SLC44A2: variants seen among roughly 807,000 people sequenced by gnomAD.
SLC44A2 encodes the protein solute carrier family 44 member 2 (CTL2 blood group), also known as choline transporter-like protein 2.
A neutral mutation model predicts 90.8 loss-of-function variants in SLC44A2; 57 were observed. The ratio of observed to expected loss-of-function variants is 0.63; its 90% confidence interval spans 0.51 to 0.78. The LOEUF (loss-of-function observed/expected upper bound fraction) is 0.78, where lower values mean the gene tolerates loss of function less well. SLC44A2 is among the 30% of genes least tolerant of loss of function. The pLI, the probability that SLC44A2 is intolerant of heterozygous loss-of-function variation, is 0.00. For missense variants in SLC44A2, 794 were observed against 919.7 expected (o/e 0.86, Z 1.77); for synonymous variants, 355 against 360.7 (o/e 0.98, Z 0.18).
At position 10,643,442 on chromosome 19, in the gene SLC44A2, G is replaced by T; in HGVS notation, c.*57G>T. ...TCATGCCGCAGGGTGCTCAGTAGCTGGGTCTGTTCCCCCAGCCCCTTGGGC... is the reference window on the plus strand; with the variant it reads ...TCATGCCGCAGGGTGCTCAGTAGCTTGGTCTGTTCCCCCAGCCCCTTGGGC... On this transcript the variant is annotated 3_prime_UTR_variant, in exon 22 of 22. Transcript: ENST00000335757. The T allele has an allele frequency of 6.4e-7, 1 of 1,559,496 alleles. No homozygotes were observed.
chr19:10,618,167 G>A (rs905818399), intron 1 of SLC44A2, among the ~76,000 whole-genome samples: 1 of 119,724 alleles, frequency 8.4e-6, no homozygotes, highest in East Asian at 2.3e-4. Flanking sequence ...ACCATGCCTG[G>A]CTAATTTTTT....
Position 10,642,852 on chromosome 19 carries a change from C to A in SLC44A2, c.2014+401C>A, listed in dbSNP as rs769006094. 5 of 1,534,838 alleles carry A rather than the reference C, an allele frequency of 3.3e-6. No homozygotes were observed. The South Asian group carries it at 6.0e-5, about 18-fold the overall frequency. On this transcript the variant is annotated intron_variant, in intron 21 of 21. Transcript: ENST00000335757. ...CCTGCCTCCCTCTTTCCCTCCCTTC[C>A]CGACCACCCCATTTTCCCCCTGCCG...
At chr19:10,624,229 C>T (rs112731091), upstream of SLC44A2, among the ~76,000 whole-genome samples, 2,025 of 151,342 alleles carry the variant, frequency 0.013, 56 homozygotes, top group African/African-American at 0.047. Flanking sequence ...ATCTCTTGAC[C>T]TCATGATCCG....
At chr19:10,626,160 A>G in intron 1 of SLC44A2, 93 bp from the exon 2 acceptor site, 1 of 1,015,356 alleles carries the variant, frequency 9.8e-7, no homozygotes, top group East Asian at 2.4e-5. Context: ...GCCAAGGCAA[A>G]GACACCCCTA....
chr19:10,625,423 C>A, upstream of SLC44A2: 1 of 1,178,620 alleles, frequency 8.5e-7, no homozygotes, highest in Non-Finnish European at 1.1e-6. Context: ...GTGGCGGGAG[C>A]AGCTGCAGCC....
rs763019777 is a variant in SLC44A2, at chr19:10,634,743, T to C, written c.824-13T>C. The C allele has an allele frequency of 6.2e-7, 1 of 1,614,102 alleles. No individual in the cohort carries two copies. The highest frequency in any genetic ancestry group is 1.1e-5 in the South Asian group (1 of 91,086). On this transcript the variant is annotated splice_polypyrimidine_tract_variant and intron_variant, in intron 10 of 21. Coordinates refer to ENST00000335757, the MANE Select transcript of SLC44A2 (RefSeq NM_020428.4). The stretch of plus-strand genomic sequence containing the variant: ...AGGCACTGCTGGACTGAGCTTGTGG[T>C]TCCCCCATGCAGGAATATTTCACTG...
chr19:10,609,818 A>T (rs1452718077), intron 1 of SLC44A2, among the ~76,000 whole-genome samples: 1 of 151,288 alleles, frequency 6.6e-6, no homozygotes, highest in Non-Finnish European at 1.5e-5. Context: ...TTATTTATTT[A>T]TTTTTTGAGA....
intron 1 of SLC44A2, among the ~76,000 whole-genome samples, chr19:10,604,438 A>G (rs1427550795): frequency 6.6e-6 from 1 of 152,208 alleles, no homozygotes; most frequent in African/African-American, 2.4e-5. Context: ...GTTCCTTCAC[A>G]TCAGAACCAA....
intron 2 of SLC44A2, 28 bp downstream of exon 2, chr19:10,626,329 T>C: frequency 6.5e-7 from 1 of 1,532,216 alleles, no homozygotes; most frequent in Non-Finnish European, 9.0e-7. Context: ...TGGGGGGTTC[T>C]CCCCGCTAAT....
At chr19:10,612,618 G>A (rs554249402) in intron 1 of SLC44A2, among the ~76,000 whole-genome samples, 2 of 152,336 alleles carry the variant, frequency 1.3e-5, no homozygotes, top group Admixed American at 6.5e-5. Flanking sequence ...GAGGCCTTGG[G>A]CCGCTGCAGC....
In SLC44A2 at chr19:10,637,898, G is replaced by T. The variant is rs2067076200; in HGVS notation, c.1738G>T (p.Ala580Ser). The T allele has an allele frequency of 6.2e-7, 1 of 1,613,956 alleles. No homozygotes were observed. The highest frequency in any genetic ancestry group is 8.5e-7 in the Non-Finnish European group (1 of 1,180,032). The change falls in exon 18 of 22, where the codon GCC (alanine) becomes TCC (serine). Residue 580 changes from alanine to serine, a missense_variant. Ala to Ser is a moderately conservative substitution (Grantham distance 99). Coordinates refer to ENST00000335757, the MANE Select transcript of SLC44A2 (RefSeq NM_020428.4). ...GTNFCTSARNAFFLLMRNIIR... is the reference protein window; with the variant it reads ...GTNFCTSARNSFFLLMRNIIR... ...CAATTTCTGCACCTCGGCCAGGAAT[G>T]CCTTCTTCCTGCTCATGAGAAACAT...
intron 1 of SLC44A2, among the ~76,000 whole-genome samples, chr19:10,609,114 C>G (rs571352581): frequency 4.6e-5 from 7 of 151,248 alleles, no homozygotes; most frequent in African/African-American, 1.7e-4. Flanking sequence ...TGTGCCACCA[C>G]GCCCAGCTAA....
chr19:10,628,408 G>T (rs551397819), intron 4 of SLC44A2, among the ~76,000 whole-genome samples: 2 of 152,182 alleles, frequency 1.3e-5, no homozygotes, highest in South Asian at 4.1e-4. Context: ...CAAAAATTAA[G>T]TGGACGTGGT....
At chr19:10,628,082 T>G in intron 4 of SLC44A2, 78 bp downstream of exon 4, 1 of 1,341,444 alleles carries the variant, frequency 7.5e-7, no homozygotes, top group African/African-American at 1.5e-5. Context: ...TCTCTCTAAG[T>G]CCAGTTAACA....
rs1168522360 is a variant in SLC44A2, at chr19:10,642,472, A to G, written c.2014+21A>G. 4 of 1,609,658 alleles carry G rather than the reference A, an allele frequency of 2.5e-6. No homozygotes were observed. In the African/African-American group the frequency reaches 5.3e-5, roughly 22 times the overall value. On this transcript the variant is annotated intron_variant, in intron 21 of 21. Transcript: ENST00000335757. The stretch of plus-strand genomic sequence containing the variant: ...CTTCTGTGAGTGACCCCTCACCCCA[A>G]ACCTTGCTGGGCCCCGAATCCCTTC...
intron 1 of SLC44A2, among the ~76,000 whole-genome samples, chr19:10,614,082 C>T (rs765862556): frequency 1.3e-5 from 2 of 152,038 alleles, no homozygotes; most frequent in Non-Finnish European, 2.9e-5. Flanking sequence ...TCTACTGCCT[C>T]AGCCTCCTGA....
chr19:10,636,098 C>T (rs903920097), intron 14 of SLC44A2: 1 of 553,374 alleles, frequency 1.8e-6, no homozygotes, highest in Non-Finnish European at 3.1e-6. Flanking sequence ...ATTTCATTTC[C>T]TGTCTCCATG....
chr19:10,608,386 T>C (rs1008780243), intron 1 of SLC44A2, among the ~76,000 whole-genome samples: 4 of 152,070 alleles, frequency 2.6e-5, no homozygotes, highest in Admixed American at 6.6e-5. Flanking sequence ...CACGGTAGCA[T>C]AGAATAGTAC....
rs139856291 is a variant in SLC44A2, at chr19:10,632,075, C to T, written c.742C>T (p.Leu248=). The T allele has an allele frequency of 5.9e-5, 96 of 1,614,052 alleles. No individual in the cohort carries two copies. Among genetic ancestry groups the T allele is most frequent in the Non-Finnish European group, 8.0e-5 (94 of 1,180,028 alleles). ...GLVIAMAMSL[L]FIILLRFLAG... ...GGTCATTGCCATGGCGATGAGCCTC[C>T]TGTTCATCATCCTGCTTCGCTTCCT... Residue 248 remains leucine (L), a synonymous_variant, in exon 10 of 22, where the codon CTG becomes TTG. Transcript: ENST00000335757.
Sources: gnomAD v4.1 joint callset for allele counts (sites outside exome capture counted in the v4.1 genomes callset) on GRCh38, gnomAD v4.1.1 for gene constraint, MANE v1.5 for transcripts, NCBI Gene and HGNC (gene_info 2026-07-23, HGNC 2026-07-21) for gene names.